TSC22D1: variants seen among roughly 807,000 people sequenced by gnomAD.
TSC22D1 encodes the protein TSC22 domain family member 1.
TSC22D1 carries 9 observed loss-of-function variants against 74.2 expected under a neutral mutation model. That is an observed-to-expected ratio of 0.12 (90% CI 0.07 to 0.21). The LOEUF (loss-of-function observed/expected upper bound fraction) is 0.21, where lower values mean the gene tolerates loss of function less well. Ranked by LOEUF, TSC22D1 falls within the 10% of genes least tolerant of loss-of-function variation. TSC22D1 has a pLI of 1.00. For missense variants in TSC22D1, 1,427 were observed against 1,304.7 expected, an observed-to-expected ratio of 1.09 and a Z score of -1.44; for synonymous variants, 586 against 492.5, an observed-to-expected ratio of 1.19 and a Z score of -2.51.
intron 1 of TSC22D1, among the ~76,000 whole-genome samples, chr13:44,455,650 A>T (rs1876531463): frequency 2.6e-5 from 4 of 152,212 alleles, no homozygotes; most frequent in Non-Finnish European, 5.9e-5. Context: ...TTTAAGCACT[A>T]GATATGCAAT....
chr13:44,519,854 TA>T (rs1345447029), intron 1 of TSC22D1, among the ~76,000 whole-genome samples: 6 of 151,816 alleles, frequency 4.0e-5, no homozygotes, highest in East Asian at 1.9e-4. Flanking sequence ...CTCCAGCCCG[TA>T]AAAAAACCAA....
intron 1 of TSC22D1, among the ~76,000 whole-genome samples, chr13:44,502,454 C>T (rs1426368800): frequency 1.3e-5 from 2 of 152,136 alleles, no homozygotes; most frequent in Admixed American, 6.6e-5. Context: ...ATTGGAACCA[C>T]CACACACAGA....
intron 1 of TSC22D1, among the ~76,000 whole-genome samples, chr13:44,546,904 G>A (rs1337685965): frequency 6.6e-6 from 1 of 151,920 alleles, no homozygotes; most frequent in African/African-American, 2.4e-5. Flanking sequence ...ACTAGTACCT[G>A]GGACTACAGG....
chr13:44,450,667 G>A (rs1390020145), intron 1 of TSC22D1, among the ~76,000 whole-genome samples: 4 of 152,212 alleles, frequency 2.6e-5, no homozygotes, highest in Non-Finnish European at 2.9e-5. Flanking sequence ...CAGGTGGAAG[G>A]TGATGCCATT....
intron 1 of TSC22D1, among the ~76,000 whole-genome samples, chr13:44,452,300 T>TC (rs1876208136): frequency 6.6e-6 from 1 of 152,146 alleles, no homozygotes; most frequent in African/African-American, 2.4e-5. Context: ...TGCCGCACAC[T>TC]CATACCCCAG....
chr13:44,455,725 G>A (rs1199354405), intron 1 of TSC22D1, among the ~76,000 whole-genome samples: 1 of 152,092 alleles, frequency 6.6e-6, no homozygotes, highest in East Asian at 1.9e-4. Flanking sequence ...ATCGCATAGG[G>A]AATCTATTAC....
rs534693987 is a variant in TSC22D1, at chr13:44,459,857, C to G, written c.2913-23762G>C. On this transcript the variant is annotated intron_variant, in intron 1 of 2. Transcript: ENST00000458659. ...CCTGGCTGTGCACAGTGGTGAGACC[C>G]CAGGCTCGTTTCACACACCCCTTGC... Among the ~76,000 whole-genome samples the G allele has an allele frequency of 5.3e-5, 8 of 152,328 alleles. No individual in the cohort carries two copies. The East Asian group carries it at 1.4e-3, about 26-fold the overall frequency.
intron 1 of TSC22D1, among the ~76,000 whole-genome samples, chr13:44,550,348 C>T (rs1177311329): frequency 1.3e-5 from 2 of 151,988 alleles, no homozygotes; most frequent in African/African-American, 2.4e-5. Flanking sequence ...TTTGGGAGGC[C>T]GGGTGGGTGG....
intron 1 of TSC22D1, among the ~76,000 whole-genome samples, chr13:44,464,797 A>C (rs1877177344): frequency 6.6e-6 from 1 of 152,188 alleles, no homozygotes; most frequent in Non-Finnish European, 1.5e-5. Flanking sequence ...TGCTCCTTTC[A>C]GCTTATGCCA....
chr13:44,573,092 C>A, intron 1 of TSC22D1, 71 bp downstream of exon 1: 1 of 1,522,462 alleles, frequency 6.6e-7, no homozygotes, highest in Non-Finnish European at 8.8e-7. Context: ...TCATTTTGTG[C>A]ATACATATAG....
At chr13:44,526,060 C>T (rs765668239) in intron 1 of TSC22D1, among the ~76,000 whole-genome samples, 13 of 152,224 alleles carry the variant, frequency 8.5e-5, no homozygotes, top group Middle Eastern at 3.4e-3. Context: ...CAAGACTGTG[C>T]CACTGTACTC....
intron 1 of TSC22D1, among the ~76,000 whole-genome samples, chr13:44,517,839 A>G (rs1453377753): frequency 3.0e-4 from 6 of 19,702 alleles, no homozygotes; most frequent in Non-Finnish European, 6.1e-4. Context: ...GTATATATAT[A>G]TATATATATA....
At chr13:44,511,116 A>G (rs1383958405) in intron 1 of TSC22D1, among the ~76,000 whole-genome samples, 2 of 152,034 alleles carry the variant, frequency 1.3e-5, no homozygotes, top group Admixed American at 1.3e-4. Flanking sequence ...CCCTATCTCT[A>G]CAAAAAAATA....
chr13:44,517,857 A>ATATATT lies in TSC22D1; in HGVS notation c.2912+55305_2912+55306insAATATA, dbSNP rs10627677. The stretch of plus-strand genomic sequence containing the variant: ...TATATATATATATATATATATATAT[A>ATATATT]TTTTTTTTTTTTTTTTTTTTTTAAC... On this transcript the variant is annotated intron_variant, in intron 1 of 2. Coordinates refer to ENST00000458659, the MANE Select transcript of TSC22D1 (RefSeq NM_183422.4). 3.9e-3 allele frequency among the ~76,000 whole-genome samples: 63 copies of ATATATT among 16,168 alleles called. 1 individual carries two copies. Among genetic ancestry groups the ATATATT allele is most frequent in the South Asian group, 7.1e-3 (3 of 424 alleles). 10.6% of individuals were successfully genotyped at this position (16,168 alleles called of 152,430 possible).
At chr13:44,526,586 A>G (rs1407973550) in intron 1 of TSC22D1, among the ~76,000 whole-genome samples, 1 of 152,162 alleles carries the variant, frequency 6.6e-6, no homozygotes, top group Non-Finnish European at 1.5e-5. Flanking sequence ...AGGAAACAGA[A>G]TACAGATGCT....
chr13:44,552,333 AG>A (rs1317278241), intron 1 of TSC22D1, among the ~76,000 whole-genome samples: 1 of 152,248 alleles, frequency 6.6e-6, no homozygotes, highest in Non-Finnish European at 1.5e-5. Flanking sequence ...AACACCATCA[AG>A]GGTTAACTCT....
At chr13:44,457,637 CAAAA>C (rs10692086) in intron 1 of TSC22D1, among the ~76,000 whole-genome samples, 18 of 85,428 alleles carry the variant, frequency 2.1e-4, no homozygotes, top group Admixed American at 3.8e-4. Flanking sequence ...AAGCAAATAG[CAAAA>C]AAAAAAAAAA....
At chr13:44,523,456 G>C (rs1424332899) in intron 1 of TSC22D1, among the ~76,000 whole-genome samples, 1 of 152,062 alleles carries the variant, frequency 6.6e-6, no homozygotes, top group Non-Finnish European at 1.5e-5. Context: ...AATAAGAAAT[G>C]AGCTCCCAAG....
chr13:44,565,139 T>C (rs1883287697), intron 1 of TSC22D1, among the ~76,000 whole-genome samples: 1 of 152,144 alleles, frequency 6.6e-6, no homozygotes, highest in Non-Finnish European at 1.5e-5. Context: ...AAGTCTGGAC[T>C]AGTGATAGGC....
Sources: gnomAD v4.1 joint callset for allele counts (sites outside exome capture counted in the v4.1 genomes callset) on GRCh38, gnomAD v4.1.1 for gene constraint, MANE v1.5 for transcripts, NCBI Gene and HGNC (gene_info 2026-07-23, HGNC 2026-07-21) for gene names.